Variants in MVB12B observed in about 807,000 individuals in gnomAD.
MVB12B encodes the protein multivesicular body subunit 12B, also known as ESCRT-I complex subunit MVB12B.
A neutral mutation model predicts 41.6 loss-of-function variants in MVB12B; 16 were observed. The ratio of observed to expected loss-of-function variants is 0.38; its 90% CI spans 0.26 to 0.58. MVB12B has a LOEUF of 0.58. MVB12B is among the 20% of genes least tolerant of loss of function. The pLI is 0.62. For missense variants in MVB12B, 274 were observed against 380.2 expected, an observed-to-expected ratio of 0.72 and a Z score of 2.32; for synonymous variants, 133 against 139.7, an observed-to-expected ratio of 0.95 and a Z score of 0.34.
intron 7 of MVB12B, among the ~76,000 whole-genome samples, chr9:126,448,833 G>A (rs373151188): frequency 1.3e-5 from 2 of 152,084 alleles, no homozygotes; most frequent in African/African-American, 2.4e-5. Context: ...CAGGCTCCCC[G>A]CCTCCAACAT....
rs557294256 is a variant in MVB12B at position 126,444,101 on chromosome 9, G to A, written c.757+22153G>A. On this transcript the variant is annotated intron_variant, in intron 7 of 9. Transcript: ENST00000361171. ...TTCCTTGTCATTAGGTCAGGTGGTC[G>A]TCAGGCTGGGATTAATGGTTGTATC... Among the ~76,000 whole-genome samples the A allele has an allele frequency of 4.6e-5, 7 of 152,256 alleles. No homozygotes were observed. The East Asian group carries it at 1.2e-3, about 25-fold the overall frequency.
chr9:126,446,288 T>C (rs1832763910), intron 7 of MVB12B, among the ~76,000 whole-genome samples: 1 of 152,122 alleles, frequency 6.6e-6, no homozygotes, highest in Admixed American at 6.5e-5. Flanking sequence ...TAGAAAGTTA[T>C]TGTTATATTT....
intron 7 of MVB12B, among the ~76,000 whole-genome samples, 163 bp downstream of exon 7, chr9:126,422,111 G>A (rs145115771): frequency 1.2e-3 from 182 of 152,082 alleles, no homozygotes; most frequent in Middle Eastern, 3.4e-3. Context: ...CCTTTCCTTT[G>A]TGTCGCCACA....
chr9:126,353,328 T>C (rs559020624), intron 2 of MVB12B, among the ~76,000 whole-genome samples: 1 of 152,388 alleles, frequency 6.6e-6, no homozygotes, highest in East Asian at 1.9e-4. Context: ...AATAAAGCAC[T>C]GTCACCTTCC....
At chr9:126,366,624 A>C (rs1830189142) in intron 2 of MVB12B, among the ~76,000 whole-genome samples, 1 of 152,146 alleles carries the variant, frequency 6.6e-6, no homozygotes, top group Admixed American at 6.5e-5. Context: ...ATTCTTCTAT[A>C]GTCCTTCTTT....
rs542742648 is a variant in MVB12B, at chr9:126,397,402, G to A, written c.662+1705G>A. On this transcript the variant is annotated intron_variant, in intron 6 of 9. Coordinates refer to ENST00000361171, the MANE Select transcript of MVB12B (RefSeq NM_033446.3). ...GCCTGGTGGGTTTGGAGGGTAGTGC[G>A]TCAGAACCAGATGTTTATAAGGCTT... 398 of 985,448 alleles carry A rather than the reference G, an allele frequency of 4.0e-4. 1 individual carries two copies. Among genetic ancestry groups the A allele is most frequent in the Middle Eastern group, 1.0e-3 (2 of 1,914 alleles). 61.0% of individuals were successfully genotyped at this position (985,448 alleles called of 1,614,324 possible).
rs1830992096 is a variant in MVB12B, at chr9:126,392,612, G to C, written c.539+417G>C. 6.6e-6 allele frequency among the ~76,000 whole-genome samples: 1 copy of C among 152,230 alleles called. No homozygotes were observed. The highest frequency in any genetic ancestry group is 1.5e-5 in the Non-Finnish European group (1 of 68,036). ...CTGTCACAGAGCTGATGTTCTAAAA[G>C]GGACAGACGAGCAATAAACAAGAAA... On this transcript the variant is annotated intron_variant, in intron 5 of 9. Coordinates refer to ENST00000361171, the MANE Select transcript of MVB12B (RefSeq NM_033446.3). This position sits in a 1 kb window ranked among gnomAD's most constrained non-coding sequence, Gnocchi z 4.8.
At chr9:126,434,090 C>T (rs59892119) in intron 7 of MVB12B, among the ~76,000 whole-genome samples, 3,066 of 152,220 alleles carry the variant, frequency 0.02, 81 homozygotes, top group African/African-American at 0.062. Flanking sequence ...AAAGAAATTC[C>T]GATCTTTTTT....
chr9:126,503,398 G>A lies in MVB12B; in HGVS notation c.*135G>A, dbSNP rs1564355555. 5.7e-6 allele frequency: 4 copies of A among 704,710 alleles called. No homozygotes were observed. Among genetic ancestry groups the A allele is most frequent in the Admixed American group, 5.7e-5 (2 of 35,130 alleles). 43.7% of individuals were successfully genotyped at this position (704,710 alleles called of 1,614,324 possible). A position where few individuals can be genotyped will look rare whatever the true frequency, so the allele number is the denominator to read the frequency against. On this transcript the variant is annotated 3_prime_UTR_variant, in exon 10 of 10. Transcript: ENST00000361171. ...CCCCAGCAGGGCTGGCCCGGAGACTGGGCAGCTAAGTGGGCGCATCCTGTC... is the reference window on the plus strand; with the variant it reads ...CCCCAGCAGGGCTGGCCCGGAGACTAGGCAGCTAAGTGGGCGCATCCTGTC...
Position 126,381,096 on chromosome 9 carries a change from C to A in MVB12B, c.237C>A (p.Asp79Glu), listed in dbSNP as rs778641944. 1 of 1,614,076 alleles carries A rather than the reference C, an allele frequency of 6.2e-7. No homozygotes were observed. The highest frequency in any genetic ancestry group is 8.5e-7 in the Non-Finnish European group (1 of 1,179,996). ...AGACAGCAGATGGTGTGGATGCTGA[C>A]CTCTGGAAAGACGGCTTATTTAAAT... ...VAQTADGVDA[D>E]LWKDGLFKSK... The change falls in exon 3 of 10, where the codon GAC becomes GAA. Residue 79 changes from aspartate to glutamate, a missense_variant. Transcript: ENST00000361171.
intron 2 of MVB12B, among the ~76,000 whole-genome samples, chr9:126,350,994 A>T (rs1829731001): frequency 6.6e-6 from 1 of 152,090 alleles, no homozygotes. Flanking sequence ...CATCCCCACT[A>T]TGTTGAGTAT....
Position 126,366,896 on chromosome 9 carries a change from C to G in MVB12B, c.205-14168C>G, listed in dbSNP as rs550196536. ...GCTGGACAAGCCCACAAATCGTGAC[C>G]GGCTGACACCTCAACCTGAATATTC... is the stretch of plus-strand genomic sequence containing the variant. On this transcript the variant is annotated intron_variant, in intron 2 of 9. Coordinates refer to ENST00000361171, the MANE Select transcript of MVB12B (RefSeq NM_033446.3). 1.9e-3 allele frequency among the ~76,000 whole-genome samples: 286 copies of G among 152,318 alleles called. 1 individual carries two copies. Among genetic ancestry groups the G allele is most frequent in the Admixed American group, 3.5e-3 (54 of 15,308 alleles).
chr9:126,358,895 T>G (rs981835657), intron 2 of MVB12B, among the ~76,000 whole-genome samples: 1 of 152,168 alleles, frequency 6.6e-6, no homozygotes, highest in African/African-American at 2.4e-5. Flanking sequence ...GCATTCGGTG[T>G]TTCACCATTT....
chr9:126,407,004 A>G (rs981014210), intron 6 of MVB12B, among the ~76,000 whole-genome samples: 3 of 152,206 alleles, frequency 2.0e-5, no homozygotes, highest in East Asian at 1.9e-4. Context: ...TTAAGCATTC[A>G]TCCTGAAATG....
intron 2 of MVB12B, among the ~76,000 whole-genome samples, chr9:126,351,566 G>A (rs1829750397): frequency 7.4e-6 from 1 of 134,950 alleles, no homozygotes. Flanking sequence ...TCAGCTCACT[G>A]CAACCTGCAC....
At position 126,395,870 on chromosome 9, in the gene MVB12B, TTAC is replaced by T; in HGVS notation, c.662+174_662+176del. ...AAAAATCCACTTGGAAATCTTTGCATTACATGAATGCAAAGGCCATTCTATAGT... is the reference window on the plus strand; with the variant it reads ...AAAAATCCACTTGGAAATCTTTGCATATGAATGCAAAGGCCATTCTATAGT... On this transcript the variant is annotated intron_variant, in intron 6 of 9. Transcript: ENST00000361171. The surrounding 1 kb of genome is among the most constrained non-coding windows in gnomAD (Gnocchi z 4.9). 1 of 1,428,990 alleles carries T rather than the reference TTAC, an allele frequency of 7.0e-7. No individual in the cohort carries two copies. The highest frequency in any genetic ancestry group is 9.1e-7 in the Non-Finnish European group (1 of 1,093,950). 88.5% of individuals were successfully genotyped at this position (1,428,990 alleles called of 1,614,324 possible).
chr9:126,408,415 C>CGAATGAGCCAGGA (rs138600419), intron 6 of MVB12B: 18,861 of 152,246 alleles, frequency 0.12, 1,559 homozygotes, highest in East Asian at 0.38. Context: ...GCTCCCCCCA[C>CGAATGAGCCAGGA]GCAGGCCTGA....
At chr9:126,471,836 G>A (rs1383084725) in intron 7 of MVB12B, among the ~76,000 whole-genome samples, 1 of 152,072 alleles carries the variant, frequency 6.6e-6, no homozygotes, top group Non-Finnish European at 1.5e-5. Context: ...ATTTTATTCC[G>A]AAAATGACTA....
intron 7 of MVB12B, among the ~76,000 whole-genome samples, chr9:126,447,271 CTATT>C (rs1242132790): frequency 2.7e-5 from 4 of 146,236 alleles, no homozygotes; most frequent in African/African-American, 1.0e-4. Flanking sequence ...TTTTAACTTT[CTATT>C]TATTTTAGCT....
Sources: allele counts gnomAD v4.1 joint callset (sites outside exome capture counted in the v4.1 genomes callset), GRCh38; gene constraint gnomAD v4.1.1; non-coding constraint Gnocchi (gnomAD v3.1); transcripts MANE v1.5; gene names NCBI Gene and HGNC (gene_info 2026-07-23, HGNC 2026-07-21).